ITGA9: variants seen among roughly 807,000 people sequenced by gnomAD.
The protein encoded by ITGA9 is integrin alpha-9.
A neutral mutation model predicts 127.8 loss-of-function variants in ITGA9; 56 were observed. That is an observed-to-expected ratio of 0.44 (90% CI 0.35 to 0.55). The LOEUF (loss-of-function observed/expected upper bound fraction) is 0.55, where lower values mean the gene tolerates loss of function less well. ITGA9 is among the 20% of genes least tolerant of loss of function. The pLI, the probability that ITGA9 is intolerant of heterozygous loss-of-function variation, is 0.00. For synonymous variants in ITGA9, 508 were observed against 514.5 expected (o/e 0.99, Z 0.17); for missense variants, 1,196 against 1,347.1 (o/e 0.89, Z 1.76).
chr3:37,467,448 G>C (rs1293653976), intron 1 of ITGA9, among the ~76,000 whole-genome samples: 1 of 152,170 alleles, frequency 6.6e-6, no homozygotes, highest in African/African-American at 2.4e-5. Context: ...TAGGCTGGAG[G>C]AAGCAGTGCC....
At chr3:37,507,340 T>G (rs1327418504) in intron 7 of ITGA9, among the ~76,000 whole-genome samples, 1 of 152,178 alleles carries the variant, frequency 6.6e-6, no homozygotes, top group South Asian at 2.1e-4. Flanking sequence ...GTAGAAATGG[T>G]AAAAATGCCT....
chr3:37,662,636 C>T (rs570772309), intron 17 of ITGA9, among the ~76,000 whole-genome samples: 1 of 152,278 alleles, frequency 6.6e-6, no homozygotes, highest in South Asian at 2.1e-4. Context: ...CAGGGTTGGA[C>T]TTATGAGAGA....
chr3:37,816,261 A>G (rs1056644939), intron 27 of ITGA9, among the ~76,000 whole-genome samples: 2 of 152,192 alleles, frequency 1.3e-5, no homozygotes, highest in Non-Finnish European at 2.9e-5. Context: ...CCTAAGACAA[A>G]TGCAGGAGAT....
rs147635368 is a variant in ITGA9 at position 37,788,157 on chromosome 3, G to A, written c.2889+3079G>A. Among the ~76,000 whole-genome samples, 695 of 152,228 alleles carry A rather than the reference G, an allele frequency of 4.6e-3. 4 individuals are homozygous for A. The highest frequency in any genetic ancestry group is 0.016 in the African/African-American group (675 of 41,528). ...TACAAATGCCTCATTCTGTTATCAC[G>A]TTGAATTCTTCAGCATCTTCTATAT... is the stretch of plus-strand genomic sequence containing the variant. On this transcript the variant is annotated intron_variant, in intron 26 of 27. Transcript: ENST00000264741.
At chr3:37,540,751 C>T (rs142355299) in intron 14 of ITGA9, among the ~76,000 whole-genome samples, 338 of 152,270 alleles carry the variant, frequency 2.2e-3, no homozygotes, top group African/African-American at 7.0e-3. Context: ...TTGCTATTGT[C>T]CCCATTGGAG....
intron 18 of ITGA9, among the ~76,000 whole-genome samples, chr3:37,723,088 A>G (rs1214296004): frequency 6.6e-6 from 1 of 152,194 alleles, no homozygotes; most frequent in Non-Finnish European, 1.5e-5. Context: ...GCATCTTTTC[A>G]TGTGATTATT....
rs1255359035 is a variant in ITGA9 at position 37,508,610 on chromosome 3, C to A, written c.880C>A (p.Gln294Lys). 6.2e-7 allele frequency: 1 copy of A among 1,613,162 alleles called. No individual in the cohort carries two copies. Among genetic ancestry groups the A allele is most frequent in the South Asian group, 1.1e-5 (1 of 91,048 alleles). Reference protein sequence around the residue: ...RRSGTLIKIFQASGKKMGSYF... With the variant: ...RRSGTLIKIFKASGKKMGSYF... ...ATCAGGCACCTTAATTAAGATCTTTCAAGCATCAGGTAAAAAGGTGAGGTT... is the reference window on the plus strand; with the variant it reads ...ATCAGGCACCTTAATTAAGATCTTTAAAGCATCAGGTAAAAAGGTGAGGTT... The change falls in exon 8 of 28, where the codon CAA (glutamine) becomes AAA (lysine). Residue 294 changes from glutamine (Q) to lysine (K), a missense_variant. Physicochemically the swap from Gln to Lys is moderately conservative, Grantham distance 53. Coordinates refer to ENST00000264741, the MANE Select transcript of ITGA9 (RefSeq NM_002207.3).
At chr3:37,465,015 C>T (rs941026589) in intron 1 of ITGA9, among the ~76,000 whole-genome samples, 6 of 152,348 alleles carry the variant, frequency 3.9e-5, no homozygotes, top group East Asian at 3.9e-4. Flanking sequence ...GTAACCAAAA[C>T]GTGGGTCCCT....
intron 17 of ITGA9, among the ~76,000 whole-genome samples, chr3:37,657,077 G>A (rs187265106): frequency 7.2e-5 from 11 of 152,138 alleles, no homozygotes; most frequent in Non-Finnish European, 1.6e-4. Context: ...TTGATGTGCG[G>A]CTGGATTCAG....
chr3:37,484,022 A>G (rs1698583511), intron 4 of ITGA9, among the ~76,000 whole-genome samples: 1 of 152,238 alleles, frequency 6.6e-6, no homozygotes, highest in Admixed American at 6.5e-5. Flanking sequence ...TCACAAAGCA[A>G]GAAAGGGTGA....
chr3:37,792,423 C>T (rs917989255), intron 26 of ITGA9, among the ~76,000 whole-genome samples: 1 of 152,078 alleles, frequency 6.6e-6, no homozygotes, highest in African/African-American at 2.4e-5. Context: ...GATTGGGGGT[C>T]GAGGAATGTT....
At chr3:37,530,367 T>C (rs1209746727) in intron 13 of ITGA9, among the ~76,000 whole-genome samples, 3 of 152,150 alleles carry the variant, frequency 2.0e-5, no homozygotes, top group Admixed American at 2.0e-4. Flanking sequence ...CAAGCACACA[T>C]AGATATATAT....
intron 5 of ITGA9, among the ~76,000 whole-genome samples, chr3:37,495,816 C>T (rs115224301): frequency 2.8e-3 from 423 of 152,354 alleles, no homozygotes; most frequent in African/African-American, 9.9e-3. Flanking sequence ...CTTTATCACC[C>T]AGCCTGCATC....
intron 26 of ITGA9, among the ~76,000 whole-genome samples, chr3:37,797,000 T>C (rs1419458044): frequency 6.6e-6 from 1 of 152,104 alleles, no homozygotes; most frequent in Non-Finnish European, 1.5e-5. Flanking sequence ...CTTGAGTTTG[T>C]TCAGTGCAGC....
At chr3:37,759,256 A>G (rs1017763747) in intron 23 of ITGA9, among the ~76,000 whole-genome samples, 7 of 151,966 alleles carry the variant, frequency 4.6e-5, no homozygotes, top group African/African-American at 1.7e-4. Flanking sequence ...CTACCCCTCA[A>G]TGGGAGGGGT....
chr3:37,518,771 C>CTTTTTT lies in ITGA9; in HGVS notation c.1142-463_1142-458dup, dbSNP rs543297344. On this transcript the variant is annotated intron_variant, in intron 10 of 27. Transcript: ENST00000264741. ...GTCAGCTTCTATAGTTTTCACTGTA[C>CTTTTTT]TTTTTTTTTTTTTTTTTTTTTTTTT... is the stretch of plus-strand genomic sequence containing the variant. Among the ~76,000 whole-genome samples, 269 of 43,516 alleles carry CTTTTTT rather than the reference C, an allele frequency of 6.2e-3. 57 individuals carry two copies. Among genetic ancestry groups the CTTTTTT allele is most frequent in the African/African-American group, 7.1e-3 (76 of 10,716 alleles). 28.5% of individuals were successfully genotyped at this position (43,516 alleles called of 152,430 possible). A position where few individuals can be genotyped will look rare whatever the true frequency, so the allele number is the denominator to read the frequency against.
In ITGA9 at chr3:37,629,051, T is replaced by A; in HGVS notation, c.1690-136T>A. 1 of 1,039,428 alleles carries A rather than the reference T, an allele frequency of 9.6e-7. No homozygotes were observed. The highest frequency in any genetic ancestry group is 1.5e-6 in the Non-Finnish European group (1 of 679,218). The allele number at this position is 1,039,428 out of a possible 1,614,324, so 64.4% of individuals were successfully genotyped here. A position where few individuals can be genotyped will look rare whatever the true frequency, so the allele number is the denominator to read the frequency against. On this transcript the variant is annotated intron_variant, in intron 15 of 27. Transcript: ENST00000264741. This position sits in a 1 kb window ranked among gnomAD's most constrained non-coding sequence, Gnocchi z 4.5. ...TACCTCATTTAAAATATGAAAGTCA[T>A]AAAACCCTACCTCACGAGGGTGATT...
intron 15 of ITGA9, among the ~76,000 whole-genome samples, chr3:37,612,628 T>C (rs1418216718): frequency 6.6e-6 from 1 of 152,264 alleles, no homozygotes; most frequent in East Asian, 1.9e-4. Flanking sequence ...AATCCACAGA[T>C]GCCCTGAATT....
At chr3:37,671,000 A>T (rs1700632689) in intron 17 of ITGA9, among the ~76,000 whole-genome samples, 1 of 152,260 alleles carries the variant, frequency 6.6e-6, no homozygotes, top group Admixed American at 6.5e-5. Flanking sequence ...TTTTCTGTGC[A>T]ATGGCCAAGT....
Sources: gnomAD v4.1 joint callset for allele counts (sites outside exome capture counted in the v4.1 genomes callset) on GRCh38, gnomAD v4.1.1 for gene constraint, Gnocchi (gnomAD v3.1) non-coding constraint, MANE v1.5 for transcripts, NCBI Gene and HGNC (gene_info 2026-07-23, HGNC 2026-07-21) for gene names.